Variants in ARID1B observed in about 807,000 individuals in gnomAD.
ARID1B encodes AT-rich interaction domain 1B.
In ARID1B, 30 loss-of-function variants were observed where a neutral mutation model predicts 212.3. The ratio of observed to expected loss-of-function variants is 0.14; its 90% CI spans 0.11 to 0.19. The LOEUF is 0.19. Among genes scored for constraint, ARID1B ranks in the 10% least tolerant of loss-of-function variants. The pLI is 1.00. For missense variants in ARID1B, 2,891 were observed against 3,204.0 expected (o/e 0.90, Z 2.36); for synonymous variants, 1,402 against 1,301.7 (o/e 1.08, Z -1.66).
intron 1 of ARID1B, among the ~76,000 whole-genome samples, chr6:156,823,011 CGATAT>C (rs1554255948): frequency 3.9e-5 from 6 of 152,122 alleles, no homozygotes; most frequent in Non-Finnish European, 8.8e-5. Flanking sequence ...GATTGCTTCC[CGATAT>C]GACAGCAACT....
intron 1 of ARID1B, among the ~76,000 whole-genome samples, chr6:156,781,279 A>T (rs924825348): frequency 8.0e-5 from 12 of 150,838 alleles, no homozygotes; most frequent in African/African-American, 2.9e-4. Context: ...ATGCCCCATA[A>T]TCTTTTTTTT....
chr6:157,033,771 A>G (rs564511336), intron 4 of ARID1B, among the ~76,000 whole-genome samples: 1 of 152,306 alleles, frequency 6.6e-6, no homozygotes, highest in South Asian at 2.1e-4. Flanking sequence ...TACAAATGGA[A>G]TCCTTTTAGG....
At position 157,200,785 on chromosome 6, in the gene ARID1B, C is replaced by T. The variant is rs2128372595; in HGVS notation, c.4560C>T (p.Ser1520=). The T allele has an allele frequency of 1.2e-6, 2 of 1,614,132 alleles. No homozygotes were observed. Among genetic ancestry groups the T allele is most frequent in the South Asian group, 1.1e-5 (1 of 91,088 alleles). Reference sequence around the variant, plus strand: ...GCGACATGTACAACATGCAGTACAGCAGCCAGCAGCAGGAGATGTACAACC... The same window carrying T: ...GCGACATGTACAACATGCAGTACAGTAGCCAGCAGCAGGAGATGTACAACC... ...HEGDMYNMQY[S]SQQQEMYNQY... is the part of the protein sequence containing the mutation. The change falls in exon 18 of 20, where the codon AGC becomes AGT. Residue 1520 remains serine (S), a synonymous_variant. Coordinates refer to ENST00000636930, the MANE Select transcript of ARID1B (RefSeq NM_001374828.1). The surrounding 1 kb of genome is among the most constrained non-coding windows in gnomAD (Gnocchi z 4.3).
chr6:157,063,175 G>A (rs2128411342), intron 4 of ARID1B, among the ~76,000 whole-genome samples: 1 of 151,908 alleles, frequency 6.6e-6, no homozygotes, highest in East Asian at 1.9e-4. Context: ...CAAGTTCCAA[G>A]GGAGAGAGGA....
chr6:157,043,018 A>C (rs560404258), intron 4 of ARID1B, among the ~76,000 whole-genome samples: 1 of 152,332 alleles, frequency 6.6e-6, no homozygotes, highest in East Asian at 1.9e-4. Context: ...TAGGCACCTA[A>C]AATTTATTAC....
At chr6:156,949,253 A>C (rs1793396890) in intron 4 of ARID1B, among the ~76,000 whole-genome samples, 2 of 151,656 alleles carry the variant, frequency 1.3e-5, no homozygotes, top group Admixed American at 1.3e-4. Context: ...CTTTCATATA[A>C]TTCTGGCCTG....
Position 156,954,567 on chromosome 6 carries a change from C to G in ARID1B, c.2247+18991C>G, listed in dbSNP as rs888588670. On this transcript the variant is annotated intron_variant, in intron 4 of 19. Transcript: ENST00000636930. Reference sequence around the variant, plus strand: ...GCTACTAAAACATCATTTTTAATGTCTTGTGATACAGAATTTATTACTTTA... The same window carrying G: ...GCTACTAAAACATCATTTTTAATGTGTTGTGATACAGAATTTATTACTTTA... Among the ~76,000 whole-genome samples, 171 of 152,160 alleles carry G rather than the reference C, an allele frequency of 1.1e-3. 1 individual carries two copies. The highest frequency in any genetic ancestry group is 4.0e-3 in the African/African-American group (166 of 41,500).
chr6:156,861,050 A>G (rs889522398), intron 2 of ARID1B, among the ~76,000 whole-genome samples: 1 of 152,200 alleles, frequency 6.6e-6, no homozygotes, highest in Non-Finnish European at 1.5e-5. Context: ...CACCTTGTAC[A>G]CTGTGGTCGT....
At chr6:156,883,569 C>T (rs1361110040) in intron 2 of ARID1B, among the ~76,000 whole-genome samples, 1 of 152,110 alleles carries the variant, frequency 6.6e-6, no homozygotes, top group Non-Finnish European at 1.5e-5. Flanking sequence ...CCATGCTTTC[C>T]TCTCCAGCGT....
intron 2 of ARID1B, among the ~76,000 whole-genome samples, chr6:156,895,965 T>C (rs1174105864): frequency 6.6e-6 from 1 of 152,268 alleles, no homozygotes; most frequent in Non-Finnish European, 1.5e-5. Context: ...ACAAATGATA[T>C]GATACTGCAT....
At chr6:157,031,637 A>C (rs551457147) in intron 4 of ARID1B, among the ~76,000 whole-genome samples, 3 of 152,282 alleles carry the variant, frequency 2.0e-5, no homozygotes, top group African/African-American at 7.2e-5. Flanking sequence ...TGATATCTAT[A>C]ATCACTGGAA....
At chr6:156,985,394 C>G (rs1384701102) in intron 4 of ARID1B, 1 of 152,166 alleles carries the variant, frequency 6.6e-6, no homozygotes, top group African/African-American at 2.4e-5. Flanking sequence ...AGAAGGTGCT[C>G]ATGTTTGAAA....
At chr6:156,973,272 AC>A (rs375231417) in intron 4 of ARID1B, among the ~76,000 whole-genome samples, 30 of 152,086 alleles carry the variant, frequency 2.0e-4, no homozygotes, top group African/African-American at 6.8e-4. Context: ...AGATTATAGA[AC>A]CTTTTTTTTT....
chr6:156,813,115 T>A (rs560503561), intron 1 of ARID1B, among the ~76,000 whole-genome samples: 2 of 148,776 alleles, frequency 1.3e-5, no homozygotes, highest in Admixed American at 1.3e-4. Flanking sequence ...TATATTTTTT[T>A]TTTTTTTGAG....
At position 156,967,229 on chromosome 6, in the gene ARID1B, T is replaced by C. The variant is rs374265559; in HGVS notation, c.2247+31653T>C. On this transcript the variant is annotated intron_variant, in intron 4 of 19. Transcript: ENST00000636930. ...TACCTTATATTTGAACATTGGAAGATACGTGTTGCTGAATACAAGTTAGTT... is the reference window on the plus strand; with the variant it reads ...TACCTTATATTTGAACATTGGAAGACACGTGTTGCTGAATACAAGTTAGTT... Among the ~76,000 whole-genome samples, 9 of 152,362 alleles carry C rather than the reference T, an allele frequency of 5.9e-5. No individual in the cohort carries two copies. The East Asian group carries it at 1.7e-3, about 29-fold the overall frequency.
intron 5 of ARID1B, among the ~76,000 whole-genome samples, chr6:157,090,686 G>A (rs1276710708): frequency 1.3e-5 from 2 of 152,168 alleles, no homozygotes; most frequent in Non-Finnish European, 2.9e-5. Flanking sequence ...TTCGTGCTTC[G>A]CTGTTTGAGG....
chr6:156,807,350 G>A (rs1328216172), intron 1 of ARID1B, among the ~76,000 whole-genome samples: 1 of 151,964 alleles, frequency 6.6e-6, no homozygotes, highest in South Asian at 2.1e-4. Context: ...TTGTGTTTTG[G>A]TTTTTACTGC....
chr6:157,071,761 A>AAAC (rs1784017991), intron 4 of ARID1B: 1 of 152,258 alleles, frequency 6.6e-6, no homozygotes, highest in South Asian at 2.1e-4. Context: ...CTTCAGGTTC[A>AAAC]AGATGCCAGC....
At chr6:156,844,825 A>G (rs919403962) in intron 2 of ARID1B, among the ~76,000 whole-genome samples, 3 of 152,252 alleles carry the variant, frequency 2.0e-5, no homozygotes, top group South Asian at 2.1e-4. Context: ...GACTGCAAGT[A>G]TATTTCCTTA....
Sources: allele counts gnomAD v4.1 joint callset (sites outside exome capture counted in the v4.1 genomes callset), GRCh38; gene constraint gnomAD v4.1.1; non-coding constraint Gnocchi (gnomAD v3.1); transcripts MANE v1.5; gene names NCBI Gene and HGNC (gene_info 2026-07-23, HGNC 2026-07-21).